CNTN1: variants seen among roughly 807,000 people sequenced by gnomAD.
CNTN1 encodes contactin 1, also known as contactin-1.
In CNTN1, 38 loss-of-function variants were observed where a neutral mutation model predicts 126.4. The ratio of observed to expected loss-of-function variants is 0.30; its 90% CI spans 0.23 to 0.39. CNTN1 has a LOEUF of 0.39. CNTN1 is among the 10% of genes least tolerant of loss of function. CNTN1 has a pLI of 1.00. For missense variants in CNTN1, 1,009 were observed against 1,248.4 expected (o/e 0.81, Z 2.89); for synonymous variants, 413 against 422.6 (o/e 0.98, Z 0.28).
intron 1 of CNTN1, among the ~76,000 whole-genome samples, chr12:40,708,433 G>T (rs1474541146): frequency 6.6e-6 from 1 of 152,164 alleles, no homozygotes; most frequent in African/African-American, 2.4e-5. Context: ...GCTACTAATT[G>T]TCTGAGCCTT....
At chr12:40,731,170 A>C (rs7132304) in intron 1 of CNTN1, among the ~76,000 whole-genome samples, 146,548 of 152,054 alleles carry the variant, frequency 0.96, 70,699 homozygotes, top group Non-Finnish European at 0.99. Context: ...AAGGTCATTA[A>C]AATAGACCAA....
At chr12:40,849,160 A>G (rs1188232857) in intron 1 of CNTN1, among the ~76,000 whole-genome samples, 1 of 152,138 alleles carries the variant, frequency 6.6e-6, no homozygotes, top group African/African-American at 2.4e-5. Flanking sequence ...AATGGGGATT[A>G]GTAATACCTG....
At chr12:40,886,795 G>A (rs560893642) in intron 1 of CNTN1, among the ~76,000 whole-genome samples, 1 of 152,136 alleles carries the variant, frequency 6.6e-6, no homozygotes, top group African/African-American at 2.4e-5. Flanking sequence ...TGGCTAGCCA[G>A]TTTTCCCAGC....
chr12:40,885,406 G>A (rs920732604), intron 1 of CNTN1, among the ~76,000 whole-genome samples: 1 of 151,846 alleles, frequency 6.6e-6, no homozygotes, highest in East Asian at 1.9e-4. Flanking sequence ...TTCAATTGGT[G>A]GGATTATAGT....
intron 23 of CNTN1, among the ~76,000 whole-genome samples, chr12:41,038,658 A>G (rs1176996039): frequency 6.6e-6 from 1 of 152,180 alleles, no homozygotes; most frequent in Admixed American, 6.6e-5. Flanking sequence ...TAGGTTCAAG[A>G]GAGCAACTTT....
intron 1 of CNTN1, among the ~76,000 whole-genome samples, chr12:40,827,266 C>G (rs1565791934): frequency 6.6e-6 from 1 of 151,820 alleles, no homozygotes; most frequent in Non-Finnish European, 1.5e-5. Flanking sequence ...CTGACACACC[C>G]AGAGTAAAGG....
At chr12:40,872,212 TTGTGTGTGTGTGTGTGTGTGTGTGTG>T (rs61187240) in intron 1 of CNTN1, among the ~76,000 whole-genome samples, 1 of 113,516 alleles carries the variant, frequency 8.8e-6, no homozygotes, top group Admixed American at 8.6e-5. Flanking sequence ...GTTGCTTTGT[TTGTGTGTGTGTGTGTGTGTGTGTGTG>T]TGTGTGTGTG....
At chr12:40,998,095 A>G (rs1948266131) in intron 17 of CNTN1, among the ~76,000 whole-genome samples, 1 of 152,144 alleles carries the variant, frequency 6.6e-6, no homozygotes, top group Non-Finnish European at 1.5e-5. Context: ...GATCAAGGCA[A>G]CAATAGATTT....
At chr12:41,016,526 G>C (rs1566149508) in intron 18 of CNTN1, among the ~76,000 whole-genome samples, 156 bp from the exon 19 acceptor site, 1 of 152,166 alleles carries the variant, frequency 6.6e-6, no homozygotes, top group Non-Finnish European at 1.5e-5. Flanking sequence ...CCATGTTTAA[G>C]TATGTTTTTC....
At chr12:40,925,830 G>A (rs2405298) in intron 6 of CNTN1, among the ~76,000 whole-genome samples, 1,749 of 66,182 alleles carry the variant, frequency 0.026, 38 homozygotes, top group African/African-American at 0.089. Flanking sequence ...ATATATATAT[G>A]TATGTGTGTG....
At chr12:40,895,285 A>G (rs1450615055) in intron 1 of CNTN1, among the ~76,000 whole-genome samples, 1 of 152,212 alleles carries the variant, frequency 6.6e-6, no homozygotes, top group Non-Finnish European at 1.5e-5. Context: ...AAGTAAAGAA[A>G]AAGAAATGCA....
chr12:40,719,329 G>A (rs751060064), intron 1 of CNTN1, among the ~76,000 whole-genome samples: 6 of 152,066 alleles, frequency 3.9e-5, no homozygotes, highest in African/African-American at 1.4e-4. Context: ...TTGTATTTTC[G>A]GAGTATGGTA....
At chr12:40,832,002 G>A (rs565266462) in intron 1 of CNTN1, among the ~76,000 whole-genome samples, 3 of 152,304 alleles carry the variant, frequency 2.0e-5, no homozygotes, top group South Asian at 4.1e-4. Flanking sequence ...AAAATTAATA[G>A]TATATATTTT....
At chr12:40,726,111 T>C (rs562371774) in intron 1 of CNTN1, among the ~76,000 whole-genome samples, 6 of 151,880 alleles carry the variant, frequency 4.0e-5, no homozygotes, top group Non-Finnish European at 8.8e-5. Flanking sequence ...GGGGAAAGAA[T>C]GTGGCAAACA....
chr12:41,042,936 T>G (rs61924410), intron 23 of CNTN1, among the ~76,000 whole-genome samples: 1 of 152,210 alleles, frequency 6.6e-6, no homozygotes, highest in Non-Finnish European at 1.5e-5. Flanking sequence ...CTGGGAAAAC[T>G]GGCTAGCCAT....
At chr12:40,832,797 C>T (rs868339743) in intron 1 of CNTN1, among the ~76,000 whole-genome samples, 4 of 152,154 alleles carry the variant, frequency 2.6e-5, no homozygotes, top group African/African-American at 9.7e-5. Context: ...CCCACTACTA[C>T]AACCACCTTC....
intron 1 of CNTN1, among the ~76,000 whole-genome samples, chr12:40,798,840 C>T (rs1289371599): frequency 6.6e-6 from 1 of 151,966 alleles, no homozygotes; most frequent in Non-Finnish European, 1.5e-5. Context: ...AGCAAATCCC[C>T]ATGACATAGG....
intron 15 of CNTN1, among the ~76,000 whole-genome samples, chr12:40,961,980 G>T (rs971014870): frequency 6.6e-6 from 1 of 151,482 alleles, no homozygotes; most frequent in Non-Finnish European, 1.5e-5. Context: ...TTCAGATATT[G>T]GTAATCTGAA....
chr12:40,999,944 G>T (rs1215626090), intron 17 of CNTN1, among the ~76,000 whole-genome samples: 2 of 151,876 alleles, frequency 1.3e-5, no homozygotes, highest in Non-Finnish European at 2.9e-5. Context: ...CTGACCTCGT[G>T]ATCCGCCCGC....
Sources: allele counts gnomAD v4.1 joint callset (sites outside exome capture counted in the v4.1 genomes callset), GRCh38; gene constraint gnomAD v4.1.1; transcripts MANE v1.5; gene names NCBI Gene and HGNC (gene_info 2026-07-23, HGNC 2026-07-21).